GABRG3: variants seen among roughly 807,000 people sequenced by gnomAD.
The protein encoded by GABRG3 is gamma-aminobutyric acid receptor subunit gamma-3.
GABRG3 carries 25 observed loss-of-function variants against 48.8 expected under a neutral mutation model. That is an observed-to-expected ratio of 0.51 (90% CI 0.37 to 0.72). The LOEUF (loss-of-function observed/expected upper bound fraction) is 0.72, where lower values mean the gene tolerates loss of function less well. GABRG3 is among the 30% of genes least tolerant of loss of function. The pLI is 0.00. For synonymous variants in GABRG3, 227 were observed against 217.6 expected (o/e 1.04, Z -0.38); for missense variants, 394 against 577.9 (o/e 0.68, Z 3.26).
intron 5 of GABRG3, among the ~76,000 whole-genome samples, chr15:27,464,949 T>C (rs1889559700): frequency 6.6e-6 from 1 of 152,228 alleles, no homozygotes; most frequent in South Asian, 2.1e-4. Context: ...ATCTTGTGGA[T>C]TATTAAAATT....
At chr15:27,200,704 T>C (rs1365691049) in intron 3 of GABRG3, among the ~76,000 whole-genome samples, 1 of 152,144 alleles carries the variant, frequency 6.6e-6, no homozygotes, top group African/African-American at 2.4e-5. Flanking sequence ...GGCCAGGCAG[T>C]GAAAGCAGCT....
At chr15:27,237,595 G>A (rs922018963) in intron 3 of GABRG3, among the ~76,000 whole-genome samples, 7 of 152,172 alleles carry the variant, frequency 4.6e-5, no homozygotes, top group African/African-American at 7.2e-5. Flanking sequence ...AGGTGACCAC[G>A]GCTACAAGAA....
rs117818285 is a variant in GABRG3, at chr15:27,400,487, T to C, written c.574+71599T>C. Among the ~76,000 whole-genome samples the C allele has an allele frequency of 3.9e-5, 6 of 152,344 alleles. No individual in the cohort carries two copies. The East Asian group carries it at 7.7e-4, about 20-fold the overall frequency. Reference sequence around the variant, plus strand: ...AGATACTATGCTTTGATGTTAAAAATTGATTAGTTCCTTTCACTTTATTAC... The same window carrying C: ...AGATACTATGCTTTGATGTTAAAAACTGATTAGTTCCTTTCACTTTATTAC... On this transcript the variant is annotated intron_variant, in intron 5 of 9. Coordinates refer to ENST00000615808, the MANE Select transcript of GABRG3 (RefSeq NM_033223.5).
Position 27,535,313 on chromosome 15 carries a change from G to T in GABRG3, c.*2432G>T, listed in dbSNP as rs1259370659. 6.6e-6 allele frequency: 1 copy of T among 152,130 alleles called. No homozygotes were observed. Among genetic ancestry groups the T allele is most frequent in the Non-Finnish European group, 1.5e-5 (1 of 68,022 alleles). 9.4% of individuals were successfully genotyped at this position (152,130 alleles called of 1,614,324 possible). ...ACCTAAAACAACTTTTTATAACATG[G>T]ATTTGTTTGATTTTACCTTAAAAGA... is the stretch of plus-strand genomic sequence containing the variant. On this transcript the variant is annotated 3_prime_UTR_variant, in exon 10 of 10. Coordinates refer to ENST00000615808, the MANE Select transcript of GABRG3 (RefSeq NM_033223.5).
intron 3 of GABRG3, among the ~76,000 whole-genome samples, chr15:27,213,552 G>A (rs566342389): frequency 2.0e-5 from 3 of 152,284 alleles, no homozygotes; most frequent in African/African-American, 7.2e-5. Context: ...GGGGATTTTT[G>A]AAAACTGGCC....
chr15:27,403,914 C>CAAAAAAAAAAAAAAAAA (rs528760544), intron 5 of GABRG3, among the ~76,000 whole-genome samples: 3 of 68,534 alleles, frequency 4.4e-5, no homozygotes, highest in Non-Finnish European at 9.6e-5. Flanking sequence ...CAAAAAAAAA[C>CAAAAAAAAAAAAAAAAA]AAAAAAAAAA....
At chr15:27,274,266 CTTAG>C (rs773176893) in intron 3 of GABRG3, among the ~76,000 whole-genome samples, 1 of 152,148 alleles carries the variant, frequency 6.6e-6, no homozygotes, top group Non-Finnish European at 1.5e-5. Context: ...GCTTTTCTGT[CTTAG>C]TTTGTTTAGT....
chr15:27,321,475 T>C (rs758936382), intron 3 of GABRG3, among the ~76,000 whole-genome samples: 32 of 152,168 alleles, frequency 2.1e-4, no homozygotes, highest in Non-Finnish European at 3.5e-4. Flanking sequence ...AAAAAACATA[T>C]ATTTGAGTTA....
Position 26,974,402 on chromosome 15 carries a change from A to G in GABRG3, c.54-2600A>G, listed in dbSNP as rs1330095678. The stretch of plus-strand genomic sequence containing the variant: ...AAGGCTGCGTATATAGAGAATGATG[A>G]AAAGCTGGTTACTGTGCTCGGTTTG... On this transcript the variant is annotated intron_variant, in intron 1 of 9. Transcript: ENST00000615808. This position sits in a 1 kb window ranked among gnomAD's most constrained non-coding sequence, Gnocchi z 4.3. Among the ~76,000 whole-genome samples, 1 of 152,204 alleles carries G rather than the reference A, an allele frequency of 6.6e-6. No homozygotes were observed. The highest frequency in any genetic ancestry group is 1.9e-4 in the East Asian group (1 of 5,198).
intron 3 of GABRG3, among the ~76,000 whole-genome samples, chr15:27,149,851 C>T (rs938583917): frequency 2.6e-5 from 4 of 152,142 alleles, no homozygotes; most frequent in Non-Finnish European, 5.9e-5. Flanking sequence ...AAGCACCATC[C>T]GGACAGCACC....
chr15:27,196,356 G>A (rs917921109), intron 3 of GABRG3, among the ~76,000 whole-genome samples: 1 of 151,986 alleles, frequency 6.6e-6, no homozygotes, highest in Non-Finnish European at 1.5e-5. Context: ...CTCTCTCCAG[G>A]CCCCTGCCCG....
rs145842241 is a variant in GABRG3, at chr15:27,084,089, C to T, written c.270+57268C>T. 7.3e-4 allele frequency among the ~76,000 whole-genome samples: 111 copies of T among 152,338 alleles called. 2 individuals are homozygous for T. The highest frequency in any genetic ancestry group is 2.5e-3 in the African/African-American group (104 of 41,588). On this transcript the variant is annotated intron_variant, in intron 3 of 9. Coordinates refer to ENST00000615808, the MANE Select transcript of GABRG3 (RefSeq NM_033223.5). The stretch of plus-strand genomic sequence containing the variant: ...AGAACCCTGGGTCCCAGTAGGCAAA[C>T]GTTTCATCTCATCCAGGCCGTCTTG...
intron 5 of GABRG3, among the ~76,000 whole-genome samples, chr15:27,423,022 G>A (rs566479574): frequency 6.6e-6 from 1 of 152,114 alleles, no homozygotes; most frequent in African/African-American, 2.4e-5. Context: ...TCTGCTCAGG[G>A]AAGCCAGTGT....
chr15:27,012,607 G>A (rs8027869), intron 2 of GABRG3, among the ~76,000 whole-genome samples: 9,084 of 152,160 alleles, frequency 0.06, 908 homozygotes, highest in African/African-American at 0.21. Context: ...TCTATAGGAA[G>A]GAATGGATAT....
intron 5 of GABRG3, among the ~76,000 whole-genome samples, chr15:27,342,614 G>A (rs1436482053): frequency 1.3e-5 from 2 of 152,268 alleles, no homozygotes; most frequent in Non-Finnish European, 2.9e-5. Context: ...CCAAGGGACG[G>A]GAAGGATGCC....
intron 5 of GABRG3, among the ~76,000 whole-genome samples, chr15:27,391,850 C>G (rs954592254): frequency 1.1e-4 from 17 of 152,142 alleles, no homozygotes; most frequent in African/African-American, 4.1e-4. Flanking sequence ...GTTCGCTAAC[C>G]ATATAGCTCA....
chr15:27,027,285 T>C (rs1373740317), intron 3 of GABRG3, among the ~76,000 whole-genome samples: 2 of 151,958 alleles, frequency 1.3e-5, no homozygotes, highest in South Asian at 2.1e-4. Context: ...ATGAAGTGAG[T>C]GTGGGGGTAT....
At chr15:27,014,479 GAT>G (rs1286633524) in intron 2 of GABRG3, among the ~76,000 whole-genome samples, 2 of 151,276 alleles carry the variant, frequency 1.3e-5, no homozygotes, top group Non-Finnish European at 3.0e-5. Context: ...CATAAGTTTT[GAT>G]ATGTTGTGTT....
At chr15:27,293,917 A>G (rs1367650511) in intron 3 of GABRG3, among the ~76,000 whole-genome samples, 1 of 152,220 alleles carries the variant, frequency 6.6e-6, no homozygotes, top group African/African-American at 2.4e-5. Flanking sequence ...ATCATAGGCC[A>G]TAAAAAGTAA....
Sources: allele counts gnomAD v4.1 joint callset (sites outside exome capture counted in the v4.1 genomes callset), GRCh38; gene constraint gnomAD v4.1.1; non-coding constraint Gnocchi (gnomAD v3.1); transcripts MANE v1.5; gene names NCBI Gene and HGNC (gene_info 2026-07-23, HGNC 2026-07-21).